FAT3: variants seen among roughly 807,000 people sequenced by gnomAD.
FAT3 encodes the protein protocadherin Fat 3.
A neutral mutation model predicts 310.2 loss-of-function variants in FAT3; 95 were observed. That is an observed-to-expected ratio of 0.31 (90% confidence interval 0.26 to 0.36). The LOEUF (loss-of-function observed/expected upper bound fraction) is 0.36, where lower values mean the gene tolerates loss of function less well. Among genes scored for constraint, FAT3 ranks in the 10% least tolerant of loss-of-function variants. The pLI is 1.00. For missense variants in FAT3, 5,408 were observed against 5,715.6 expected (o/e 0.95, Z 1.74); for synonymous variants, 2,314 against 2,192.9 (o/e 1.06, Z -1.54).
At chr11:92,789,105 CT>C (rs1946972934) in intron 7 of FAT3, among the ~76,000 whole-genome samples, 1 of 152,100 alleles carries the variant, frequency 6.6e-6, no homozygotes, top group Non-Finnish European at 1.5e-5. Flanking sequence ...AGGAACTACT[CT>C]TTTCTCTGTT....
rs766437342 is a variant in FAT3 at position 92,697,489 on chromosome 11, A to G, written c.3669+44A>G. ...CTGAAATTCATTAAAACTGACTTTC[A>G]CTAAACTTCTTTAACCTTCAACATA... On this transcript the variant is annotated intron_variant, in intron 4 of 27. Transcript: ENST00000525166. 11 of 1,579,422 alleles carry G rather than the reference A, an allele frequency of 7.0e-6. No homozygotes were observed. The Admixed American group carries it at 1.0e-4, about 14-fold the overall frequency.
chr11:92,301,002 C>T (rs1181385060), intron 1 of FAT3, among the ~76,000 whole-genome samples: 1 of 152,064 alleles, frequency 6.6e-6, no homozygotes, highest in Non-Finnish European at 1.5e-5. Flanking sequence ...TGCCACTGAC[C>T]TTTCATGGAG....
At chr11:92,315,984 G>A (rs2134474039) in intron 1 of FAT3, among the ~76,000 whole-genome samples, 1 of 152,068 alleles carries the variant, frequency 6.6e-6, no homozygotes, top group South Asian at 2.1e-4. Flanking sequence ...TTGATCTCAA[G>A]TGAAATGCTT....
chr11:92,617,402 C>T (rs1351634886), intron 3 of FAT3, among the ~76,000 whole-genome samples: 1 of 152,118 alleles, frequency 6.6e-6, no homozygotes, highest in East Asian at 1.9e-4. Flanking sequence ...AGGTTTTTAG[C>T]TTCTTTGAGA....
intron 3 of FAT3, among the ~76,000 whole-genome samples, chr11:92,694,342 G>A (rs1287639933): frequency 6.6e-6 from 1 of 152,124 alleles, no homozygotes; most frequent in Non-Finnish European, 1.5e-5. Context: ...ACCTGCAGAG[G>A]CTTTCCTGTG....
chr11:92,469,421 C>G lies in FAT3; in HGVS notation c.3293-55213C>G, dbSNP rs901799642. 3.9e-5 allele frequency among the ~76,000 whole-genome samples: 6 copies of G among 152,224 alleles called. No homozygotes were observed. In the South Asian group the frequency reaches 6.2e-4, roughly 16 times the overall value. On this transcript the variant is annotated intron_variant, in intron 2 of 27. Transcript: ENST00000525166. Reference sequence around the variant, plus strand: ...TGGTTAGATACTATTTTCACAGCTACATTAAGATATTAATTGTGTATTTTA... The same window carrying G: ...TGGTTAGATACTATTTTCACAGCTAGATTAAGATATTAATTGTGTATTTTA...
chr11:92,319,407 G>A (rs940924714), intron 1 of FAT3, among the ~76,000 whole-genome samples: 5 of 135,796 alleles, frequency 3.7e-5, no homozygotes, highest in African/African-American at 1.8e-4. Context: ...CAAAGTGGTA[G>A]AATTCAAACA....
At chr11:92,394,715 ACT>A (rs1949827392) in intron 2 of FAT3, among the ~76,000 whole-genome samples, 1 of 151,976 alleles carries the variant, frequency 6.6e-6, no homozygotes, top group Non-Finnish European at 1.5e-5. Flanking sequence ...AAGGAAAAAA[ACT>A]CTCATTTTAA....
chr11:92,797,582 T>A (rs1337969382), intron 9 of FAT3, among the ~76,000 whole-genome samples: 1 of 152,188 alleles, frequency 6.6e-6, no homozygotes, highest in East Asian at 1.9e-4. Flanking sequence ...ACTGTGTCAT[T>A]GTCATTGTGT....
intron 2 of FAT3, among the ~76,000 whole-genome samples, chr11:92,479,485 A>T (rs910304339): frequency 6.6e-6 from 1 of 152,206 alleles, no homozygotes; most frequent in Non-Finnish European, 1.5e-5. Context: ...GGGTGTAGGA[A>T]CTAAAATTAA....
intron 1 of FAT3, among the ~76,000 whole-genome samples, chr11:92,339,426 C>CCAGTAGTATGTACGTTT (rs1480760793): frequency 4.6e-5 from 7 of 152,040 alleles, no homozygotes; most frequent in Admixed American, 4.6e-4. Context: ...TACTATGTGC[C>CCAGTAGTATGTACGTTT]CAGTAGTATG....
At chr11:92,813,991 A>G (rs965788991) in intron 13 of FAT3, among the ~76,000 whole-genome samples, 1 of 152,162 alleles carries the variant, frequency 6.6e-6, no homozygotes, top group Non-Finnish European at 1.5e-5. Context: ...GTGCCCTTAT[A>G]AAAGAGGCTT....
chr11:92,294,807 A>C (rs1313465758), intron 1 of FAT3, among the ~76,000 whole-genome samples: 1 of 152,110 alleles, frequency 6.6e-6, no homozygotes, highest in Non-Finnish European at 1.5e-5. Context: ...TGAAATGTAG[A>C]ACCTGGAGCC....
intron 3 of FAT3, among the ~76,000 whole-genome samples, chr11:92,679,947 G>A (rs1403947927): frequency 6.7e-6 from 1 of 148,952 alleles, no homozygotes; most frequent in Non-Finnish European, 1.5e-5. Context: ...CTTTACTCAA[G>A]TTTTAATGGG....
At chr11:92,865,666 C>T (rs532526336) in intron 21 of FAT3, among the ~76,000 whole-genome samples, 1 of 152,326 alleles carries the variant, frequency 6.6e-6, no homozygotes, top group Non-Finnish European at 1.5e-5. Context: ...TCCCTGGATC[C>T]CAAAGCCACC....
intron 2 of FAT3, among the ~76,000 whole-genome samples, chr11:92,508,774 C>T (rs558184647): frequency 4.9e-4 from 75 of 152,062 alleles, no homozygotes; most frequent in Non-Finnish European, 4.1e-4. Flanking sequence ...CTTAGAGACT[C>T]CAGATACTCT....
chr11:92,452,390 A>G (rs1951378884), intron 2 of FAT3, among the ~76,000 whole-genome samples: 1 of 152,194 alleles, frequency 6.6e-6, no homozygotes, highest in African/African-American at 2.4e-5. Flanking sequence ...CTTCAAGGAA[A>G]TGATCTGGTA....
chr11:92,382,774 G>A (rs555361487), intron 2 of FAT3, among the ~76,000 whole-genome samples: 35 of 152,308 alleles, frequency 2.3e-4, no homozygotes, highest in South Asian at 4.1e-4. Flanking sequence ...AGAGTGGTCC[G>A]CATGGAGTCA....
At chr11:92,572,884 A>G (rs113863518) in intron 3 of FAT3, among the ~76,000 whole-genome samples, 61 of 152,330 alleles carry the variant, frequency 4.0e-4, no homozygotes, top group East Asian at 3.5e-3. Flanking sequence ...AACTGAGTCC[A>G]TAAGAAGATG....
Sources: gnomAD v4.1 joint callset for allele counts (sites outside exome capture counted in the v4.1 genomes callset) on GRCh38, gnomAD v4.1.1 for gene constraint, MANE v1.5 for transcripts, NCBI Gene and HGNC (gene_info 2026-07-23, HGNC 2026-07-21) for gene names.